Variants in ZCCHC2 observed in about 807,000 individuals in gnomAD.
ZCCHC2 encodes zinc finger CCHC-type containing 2.
A neutral mutation model predicts 103.6 loss-of-function variants in ZCCHC2; 39 were observed. The ratio of observed to expected loss-of-function variants is 0.38; its 90% CI spans 0.29 to 0.49. The LOEUF (loss-of-function observed/expected upper bound fraction) is 0.49, where lower values mean the gene tolerates loss of function less well. Ranked by LOEUF, ZCCHC2 falls within the 20% of genes least tolerant of loss-of-function variation. The pLI, the probability that ZCCHC2 is intolerant of heterozygous loss-of-function variation, is 0.96. For missense variants in ZCCHC2, 1,483 were observed against 1,491.0 expected, an observed-to-expected ratio of 0.99 and a Z score of 0.09; for synonymous variants, 687 against 608.9, an observed-to-expected ratio of 1.13 and a Z score of -1.89.
chr18:62,569,481 CTCAG>C (rs1481162573), intron 11 of ZCCHC2, among the ~76,000 whole-genome samples: 2 of 148,650 alleles, frequency 1.3e-5, no homozygotes, highest in Non-Finnish European at 3.0e-5. Context: ...GAATATTTCC[CTCAG>C]TCAGGGCCAC....
intron 2 of ZCCHC2, 103 bp from the exon 3 acceptor site, chr18:62,542,395 G>A (rs1031883222): frequency 9.2e-6 from 7 of 760,796 alleles, no homozygotes; most frequent in Non-Finnish European, 1.5e-5. Flanking sequence ...AAAGTGAGTA[G>A]CTTAATTGTT....
At chr18:62,531,377 A>G (rs1379966417) in intron 1 of ZCCHC2, among the ~76,000 whole-genome samples, 2 of 152,130 alleles carry the variant, frequency 1.3e-5, no homozygotes, top group Admixed American at 1.3e-4. Flanking sequence ...TCCTTTCTAA[A>G]TGCCTCAGTT....
In ZCCHC2 at chr18:62,546,478, T is replaced by C. The variant is rs1915414806; in HGVS notation, c.1200+1605T>C. Among the ~76,000 whole-genome samples the C allele has an allele frequency of 1.3e-5, 2 of 152,212 alleles. 1 individual carries two copies. The highest frequency in any genetic ancestry group is 4.1e-4 in the South Asian group (2 of 4,826). On this transcript the variant is annotated intron_variant, in intron 4 of 13. Coordinates refer to ENST00000269499, the MANE Select transcript of ZCCHC2 (RefSeq NM_017742.6). ...TGATCACGAACAGGCTTCATTTGGG[T>C]TAAGGAGTAGCCTGTTTTCATTTCC...
intron 3 of ZCCHC2, 105 bp from the exon 4 acceptor site, chr18:62,544,697 C>A: frequency 2.3e-6 from 2 of 866,410 alleles, no homozygotes; most frequent in Non-Finnish European, 1.8e-6. Flanking sequence ...AACTGTTAAT[C>A]TTAGTAAAAT....
At chr18:62,524,498 C>T (rs1041348170) in intron 1 of ZCCHC2, 135 bp downstream of exon 1, 716 of 1,338,870 alleles carry the variant, frequency 5.3e-4, no homozygotes, top group Non-Finnish European at 6.7e-4. Context: ...CGGCAGCTCC[C>T]AGCGCCAGAG....
intron 7 of ZCCHC2, among the ~76,000 whole-genome samples, 180 bp downstream of exon 7, chr18:62,558,950 A>G (rs1340289282): frequency 6.6e-6 from 1 of 152,362 alleles, no homozygotes; most frequent in Non-Finnish European, 1.5e-5. Flanking sequence ...AAATTGTTCA[A>G]TAAATGGTGT....
chr18:62,574,922 C>T lies in ZCCHC2; in HGVS notation c.2841C>T (p.Ser947=), dbSNP rs200115910. The change falls in exon 13 of 14, where the codon AGC becomes AGT. Residue 947 remains serine, a synonymous_variant. Transcript: ENST00000269499. The part of the protein sequence containing the change: ...STAATSPQPA[S]AGISQAQATV... ...CAGCAACTTCTCCCCAGCCAGCGAG[C>T]GCAGGTATCAGCCAGGCCCAGGCAA... The T allele has an allele frequency of 2.9e-5, 47 of 1,613,736 alleles. 1 individual carries two copies. The Middle Eastern group carries it at 4.9e-4, about 17-fold the overall frequency.
rs1568531197 is a variant in ZCCHC2 at position 62,523,358 on chromosome 18, C to T, written c.-67C>T. 1.9e-5 allele frequency: 19 copies of T among 1,001,298 alleles called. No individual in the cohort carries two copies. The highest frequency in any genetic ancestry group is 2.3e-5 in the Non-Finnish European group (19 of 841,808). 62.0% of individuals were successfully genotyped at this position (1,001,298 alleles called of 1,614,324 possible). A position where few individuals can be genotyped will look rare whatever the true frequency, so the allele number is the denominator to read the frequency against. On this transcript the variant is annotated 5_prime_UTR_variant, in exon 1 of 14. Coordinates refer to ENST00000269499, the MANE Select transcript of ZCCHC2 (RefSeq NM_017742.6). Reference sequence around the variant, plus strand: ...CCTGACGGCCGCGCCGCCGCCTCGGCCCGTGCTCCACCTCGCGGCCCCTCC... The same window carrying T: ...CCTGACGGCCGCGCCGCCGCCTCGGTCCGTGCTCCACCTCGCGGCCCCTCC...
chr18:62,564,234 A>G (rs1455479634), intron 9 of ZCCHC2, among the ~76,000 whole-genome samples: 1 of 152,200 alleles, frequency 6.6e-6, no homozygotes, highest in Non-Finnish European at 1.5e-5. Context: ...TTAAGTGTTG[A>G]CAGTTATATG....
exon 15 of ZCCHC2, chr18:62,584,831 C>T (rs549786975): frequency 1.3e-5 from 2 of 152,236 alleles, no homozygotes; most frequent in Non-Finnish European, 2.9e-5. Context: ...TTCAGTGAGA[C>T]GAAGTGCTGC....
At chr18:62,561,750 T>C (rs1424938939) in intron 8 of ZCCHC2, among the ~76,000 whole-genome samples, 2 of 152,266 alleles carry the variant, frequency 1.3e-5, no homozygotes, top group Non-Finnish European at 2.9e-5. Context: ...GTCTTACTGC[T>C]GCTCTTTTGA....
intron 3 of ZCCHC2, among the ~76,000 whole-genome samples, 159 bp downstream of exon 3, chr18:62,542,733 C>T (rs1915254115): frequency 6.6e-6 from 1 of 152,006 alleles, no homozygotes; most frequent in Non-Finnish European, 1.5e-5. Flanking sequence ...CATGGTTTGC[C>T]AAGTTTTTTT....
intron 6 of ZCCHC2, 119 bp downstream of exon 6, chr18:62,556,416 T>C: frequency 1.4e-6 from 1 of 731,936 alleles, no homozygotes; most frequent in Non-Finnish European, 2.2e-6. Context: ...TGACATACAT[T>C]TTTAATGTCA....
chr18:62,559,474 T>G (rs1002604031), intron 7 of ZCCHC2, among the ~76,000 whole-genome samples: 15 of 152,200 alleles, frequency 9.9e-5, no homozygotes, highest in African/African-American at 3.6e-4. Flanking sequence ...ACAAAACATT[T>G]TGGAGTCTGA....
chr18:62,550,695 T>C (rs967736410), intron 5 of ZCCHC2, among the ~76,000 whole-genome samples: 3 of 152,262 alleles, frequency 2.0e-5, no homozygotes, highest in Non-Finnish European at 2.9e-5. Context: ...TTCTGAAATA[T>C]GCAGATATTG....
intron 2 of ZCCHC2, among the ~76,000 whole-genome samples, chr18:62,541,708 GAGT>G (rs1915190647): frequency 6.6e-6 from 1 of 152,178 alleles, no homozygotes; most frequent in South Asian, 2.1e-4. Context: ...TAAGTCCTTA[GAGT>G]AGAGTACGCT....
rs746716197 is a variant in ZCCHC2, at chr18:62,564,592, T to G, written c.1708T>G (p.Leu570Val). 93 of 1,541,760 alleles carry G rather than the reference T, an allele frequency of 6.0e-5. No individual in the cohort carries two copies. The Middle Eastern group carries it at 1.7e-3, about 28-fold the overall frequency. The stretch of plus-strand genomic sequence containing the variant: ...CTAGCATTCTGCTGAAAAACGGAGT[T>G]TATCTTCAATAAATAAGAAGAAAGG... ...ADQHSAEKRS[L>V]SSINKKKGKP... Residue 570 changes from leucine (L) to valine (V), a missense_variant, in exon 10 of 14, where the codon TTA becomes GTA. Transcript: ENST00000269499.
At chr18:62,543,735 C>T (rs1322615590) in intron 3 of ZCCHC2, among the ~76,000 whole-genome samples, 2 of 152,130 alleles carry the variant, frequency 1.3e-5, no homozygotes, top group Non-Finnish European at 2.9e-5. Context: ...ATGCCCTATG[C>T]GTTTTCTTCA....
At position 62,523,389 on chromosome 18, in the gene ZCCHC2, GC is replaced by G; in HGVS notation, c.-31del. ...CTCCACCTCGCGGCCCCTCCCGCCC[GC>G]CCCCGCTCGCATGTCTGCGCCGCCC... On this transcript the variant is annotated 5_prime_UTR_variant, in exon 1 of 14. Transcript: ENST00000269499. 4 of 146,120 alleles carry G rather than the reference GC, an allele frequency of 2.7e-5. No homozygotes were observed. Among genetic ancestry groups the G allele is most frequent in the South Asian group, 5.3e-4 (2 of 3,780 alleles). 9.1% of individuals were successfully genotyped at this position (146,120 alleles called of 1,614,324 possible). A position where few individuals can be genotyped will look rare whatever the true frequency, so the allele number is the denominator to read the frequency against.
Sources: gnomAD v4.1 joint callset for allele counts (sites outside exome capture counted in the v4.1 genomes callset) on GRCh38, gnomAD v4.1.1 for gene constraint, MANE v1.5 for transcripts, NCBI Gene and HGNC (gene_info 2026-07-23, HGNC 2026-07-21) for gene names.